The following IQCJ variants were observed in gnomAD, a reference collection of about 807,000 sequenced individuals.
The protein encoded by IQCJ is IQ motif containing J.
Under a neutral mutation model 11.0 loss-of-function variants are expected in IQCJ, and 9 were observed. The ratio of observed to expected loss-of-function variants is 0.82; its 90% CI spans 0.49 to 1.43. The LOEUF is 1.43. Among genes scored for constraint, IQCJ ranks in the 40% most tolerant of loss-of-function variants. The pLI, the probability that IQCJ is intolerant of heterozygous loss-of-function variation, is 0.00. For synonymous variants in IQCJ, 55 were observed against 51.3 expected, an observed-to-expected ratio of 1.07 and a Z score of -0.31; for missense variants, 146 against 133.2, an observed-to-expected ratio of 1.10 and a Z score of -0.47.
intron 1 of IQCJ, among the ~76,000 whole-genome samples, chr3:159,236,750 G>A (rs925117495): frequency 6.6e-6 from 1 of 152,294 alleles, no homozygotes; most frequent in Admixed American, 6.5e-5. Context: ...CATGTTTAAT[G>A]ATGCAGAGTT....
At chr3:159,077,762 C>T (rs1448882538) in intron 1 of IQCJ, among the ~76,000 whole-genome samples, 1 of 151,950 alleles carries the variant, frequency 6.6e-6, no homozygotes, top group African/African-American at 2.4e-5. Context: ...TTTATGTACC[C>T]TCTTTGAATT....
chr3:159,152,001 A>G (rs141556896), intron 1 of IQCJ, among the ~76,000 whole-genome samples: 119 of 152,256 alleles, frequency 7.8e-4, no homozygotes, highest in African/African-American at 2.6e-3. Context: ...GGTTGTTCCC[A>G]CTACCCTTCC....
At chr3:159,174,901 A>T (rs867217411) in intron 1 of IQCJ, among the ~76,000 whole-genome samples, 3 of 152,254 alleles carry the variant, frequency 2.0e-5, no homozygotes, top group Admixed American at 6.5e-5. Context: ...AAGACAACGT[A>T]TTTGAAATAG....
intron 1 of IQCJ, among the ~76,000 whole-genome samples, chr3:159,194,214 G>A (rs1316067009): frequency 6.6e-6 from 1 of 152,154 alleles, no homozygotes; most frequent in Non-Finnish European, 1.5e-5. Context: ...TTGTGTGAGA[G>A]ATTTTTACTG....
At chr3:159,216,759 G>A (rs961544329) in intron 1 of IQCJ, among the ~76,000 whole-genome samples, 2 of 151,988 alleles carry the variant, frequency 1.3e-5, no homozygotes, top group African/African-American at 4.8e-5. Flanking sequence ...GTGTTCAGTT[G>A]GCAATACAAT....
intron 1 of IQCJ, among the ~76,000 whole-genome samples, chr3:159,091,652 A>ACACACACACACACG: frequency 1.9e-5 from 1 of 51,362 alleles, no homozygotes; most frequent in Admixed American, 3.1e-4. Flanking sequence ...GTATTTACAC[A>ACACACACACACACG]CACACACACA....
chr3:159,131,761 G>A (rs923857759), intron 1 of IQCJ, among the ~76,000 whole-genome samples: 3 of 152,006 alleles, frequency 2.0e-5, no homozygotes, highest in East Asian at 3.8e-4. Context: ...GATCCCAACT[G>A]GTACAGGTGG....
intron 1 of IQCJ, among the ~76,000 whole-genome samples, chr3:159,078,890 G>C (rs1559975559): frequency 6.6e-6 from 1 of 152,034 alleles, no homozygotes; most frequent in Non-Finnish European, 1.5e-5. Flanking sequence ...GATTTTAAAT[G>C]AAATAATGTG....
At chr3:159,250,342 A>C (rs1727523516) in intron 2 of IQCJ, among the ~76,000 whole-genome samples, 1 of 152,188 alleles carries the variant, frequency 6.6e-6, no homozygotes, top group Non-Finnish European at 1.5e-5. Flanking sequence ...CAGGCCCTAC[A>C]ATATATAACT....
intron 1 of IQCJ, among the ~76,000 whole-genome samples, chr3:159,088,640 T>G (rs539763795): frequency 6.6e-6 from 1 of 152,216 alleles, no homozygotes; most frequent in Non-Finnish European, 1.5e-5. Flanking sequence ...TAGTTAGCTC[T>G]TCTTGTTGAA....
At position 159,169,775 on chromosome 3, in the gene IQCJ, GGT is replaced by G. The variant is rs759788755; in HGVS notation, c.10-76060_10-76059del. Among the ~76,000 whole-genome samples the G allele has an allele frequency of 2.0e-5, 3 of 152,100 alleles. No individual in the cohort carries two copies. The East Asian group carries it at 5.8e-4, about 29-fold the overall frequency. ...GGGTAATTTTGAAGGTCAGATTCTG[GGT>G]GTGTGTGGAGGCAGCACTGCAAGAG... On this transcript the variant is annotated intron_variant, in intron 1 of 3. Transcript: ENST00000397832.
intron 3 of IQCJ, among the ~76,000 whole-genome samples, chr3:159,255,917 G>T (rs1242652707): frequency 2.0e-5 from 3 of 152,176 alleles, no homozygotes; most frequent in Non-Finnish European, 2.9e-5. Context: ...CAACTCTAAG[G>T]CTAAAGATGA....
At chr3:159,215,855 G>T (rs1444915203) in intron 1 of IQCJ, among the ~76,000 whole-genome samples, 1 of 151,960 alleles carries the variant, frequency 6.6e-6, no homozygotes, top group African/African-American at 2.4e-5. Context: ...ACACTGTAAT[G>T]ATTTGTTTCA....
At chr3:159,092,516 G>A (rs1717389948) in intron 1 of IQCJ, among the ~76,000 whole-genome samples, 1 of 151,708 alleles carries the variant, frequency 6.6e-6, no homozygotes, top group Non-Finnish European at 1.5e-5. Flanking sequence ...TGGCTAACAC[G>A]GTGAAACCCC....
At chr3:159,070,683 C>G (rs1294057978) in intron 1 of IQCJ, among the ~76,000 whole-genome samples, 1 of 152,018 alleles carries the variant, frequency 6.6e-6, no homozygotes, top group African/African-American at 2.4e-5. Flanking sequence ...AATGAGGTAG[C>G]AAGTCAAATA....
chr3:159,141,877 T>C (rs1460032165), intron 1 of IQCJ, among the ~76,000 whole-genome samples: 1 of 152,262 alleles, frequency 6.6e-6, no homozygotes, highest in African/African-American at 2.4e-5. Context: ...AAATTATTTA[T>C]GATAACATAT....
chr3:159,172,825 A>C (rs1243043921), intron 1 of IQCJ, among the ~76,000 whole-genome samples: 1 of 152,078 alleles, frequency 6.6e-6, no homozygotes, highest in Non-Finnish European at 1.5e-5. Context: ...TGAATGATAG[A>C]GCATACAATG....
chr3:159,118,216 G>A lies in IQCJ; in HGVS notation c.9+48775G>A, dbSNP rs560657008. On this transcript the variant is annotated intron_variant, in intron 1 of 3. Coordinates refer to ENST00000397832, the MANE Select transcript of IQCJ (RefSeq NM_001042706.3). ...GCTTAAAAGAGAGAAATGGGGAAGC[G>A]ATCAGGCTTGTTGGAGGGGAGAAGG... Among the ~76,000 whole-genome samples the A allele has an allele frequency of 3.3e-5, 5 of 152,244 alleles. No homozygotes were observed. In the East Asian group the frequency reaches 5.8e-4, roughly 18 times the overall value.
At chr3:159,130,505 T>A (rs1719928622) in intron 1 of IQCJ, among the ~76,000 whole-genome samples, 2 of 152,186 alleles carry the variant, frequency 1.3e-5, no homozygotes, top group African/African-American at 4.8e-5. Flanking sequence ...TCTGGCCACA[T>A]CATCTGCTAA....
Sources: gnomAD v4.1 joint callset for allele counts (sites outside exome capture counted in the v4.1 genomes callset) on GRCh38, gnomAD v4.1.1 for gene constraint, MANE v1.5 for transcripts, NCBI Gene and HGNC (gene_info 2026-07-23, HGNC 2026-07-21) for gene names.